The following VPS35L variants were observed in gnomAD, a reference collection of about 807,000 sequenced individuals.
VPS35L encodes VPS35 endosomal protein-sorting factor-like.
Under a neutral mutation model 133.0 loss-of-function variants are expected in VPS35L, and 83 were observed. The observed-to-expected ratio is 0.62, with a 90% CI of 0.52 to 0.75. The LOEUF is 0.75. Among genes scored for constraint, VPS35L ranks in the 30% least tolerant of loss-of-function variants. The probability of loss-of-function intolerance (pLI) is 0.00; values close to 1 mark genes in which losing one functional copy is unlikely to be tolerated. For synonymous variants in VPS35L, 423 were observed against 449.9 expected (o/e 0.94, Z 0.76); for missense variants, 1,083 against 1,206.8 (o/e 0.90, Z 1.52).
chr16:19,566,240 A>G (rs1386796873), intron 2 of VPS35L, among the ~76,000 whole-genome samples: 2 of 152,208 alleles, frequency 1.3e-5, no homozygotes, highest in Admixed American at 1.3e-4. Context: ...TCACACCCGT[A>G]ATTTCAGCAC....
intron 1 of VPS35L, among the ~76,000 whole-genome samples, chr16:19,563,875 G>A (rs1036011978): frequency 6.6e-6 from 1 of 152,176 alleles, no homozygotes; most frequent in Non-Finnish European, 1.5e-5. Context: ...AGCTCTGTGA[G>A]GTTTCCTTAG....
At chr16:19,620,306 T>C (rs1973035746) in intron 14 of VPS35L, among the ~76,000 whole-genome samples, 2 of 152,148 alleles carry the variant, frequency 1.3e-5, no homozygotes, top group African/African-American at 4.8e-5. Flanking sequence ...GGTAAAATGG[T>C]CATTGAATTA....
Position 19,652,057 on chromosome 16 carries a change from C to T in VPS35L, c.2188C>T (p.Gln730Ter), listed in dbSNP as rs143122530. ...TCTCAATCTCTACCTGCATTCTGGT[C>T]AGGTGGCCTTGGCCAACCAGTGCCT... is the stretch of plus-strand genomic sequence containing the variant. ...TRLNLYLHSG[Q>*]VALANQCLSQ... The change falls in exon 26 of 31, where the codon CAG becomes TAG. Residue 730 changes from glutamine to a stop codon, truncating the protein, a stop_gained. Transcript: ENST00000417362. LOFTEE classifies it high-confidence loss of function. 187 of 1,611,434 alleles carry T rather than the reference C, an allele frequency of 1.2e-4. No homozygotes were observed. Among genetic ancestry groups the T allele is most frequent in the Non-Finnish European group, 1.3e-4 (152 of 1,178,786 alleles).
intron 15 of VPS35L, among the ~76,000 whole-genome samples, chr16:19,627,072 A>C (rs1440704192): frequency 6.6e-6 from 1 of 152,122 alleles, no homozygotes; most frequent in Non-Finnish European, 1.5e-5. Context: ...ACCTGAGGTC[A>C]GGAGTTTGAG....
intron 21 of VPS35L, among the ~76,000 whole-genome samples, chr16:19,641,324 C>T (rs1015766750): frequency 4.6e-5 from 7 of 152,184 alleles, no homozygotes; most frequent in Admixed American, 3.9e-4. Flanking sequence ...GCCTCGGCCT[C>T]CCAAAGTGCT....
At chr16:19,608,867 C>T (rs1166942761) in intron 10 of VPS35L, 107 bp from the exon 11 acceptor site, 6 of 881,386 alleles carry the variant, frequency 6.8e-6, no homozygotes, top group Admixed American at 6.3e-5. Context: ...CCACTGTGGT[C>T]CCCATCTCCT....
intron 14 of VPS35L, 126 bp from the exon 15 acceptor site, chr16:19,626,051 C>T: frequency 1.6e-6 from 1 of 616,514 alleles, no homozygotes; most frequent in Non-Finnish European, 2.8e-6. Context: ...CTACCAGACA[C>T]TGAGAATTAT....
At position 19,642,432 on chromosome 16, in the gene VPS35L, G is replaced by A; in HGVS notation, c.1821G>A (p.Leu607=). 1 of 1,613,934 alleles carries A rather than the reference G, an allele frequency of 6.2e-7. No homozygotes were observed. The highest frequency in any genetic ancestry group is 8.5e-7 in the Non-Finnish European group (1 of 1,179,874). Residue 607 remains leucine, a synonymous_variant, in exon 22 of 31, where the codon TTG becomes TTA. Transcript: ENST00000417362. The stretch of plus-strand genomic sequence containing the variant: ...AGCCCACCAAGGACCCGGTCATCTT[G>A]AATGCCCTTTTGCATGTTTGCAAGA... ...QQEPTKDPVI[L]NALLHVCKTM... is the part of the protein sequence containing the mutation.
intron 14 of VPS35L, chr16:19,617,142 T>C: frequency 1.8e-6 from 1 of 558,166 alleles, no homozygotes; most frequent in Non-Finnish European, 3.2e-6. Context: ...GATCACTTGA[T>C]TTTAGGAGTT....
intron 9 of VPS35L, among the ~76,000 whole-genome samples, chr16:19,606,417 A>G (rs192988642): frequency 3.2e-4 from 49 of 152,350 alleles, no homozygotes; most frequent in East Asian, 3.9e-4. Context: ...AAGTTACTTC[A>G]TGTGTAGAGA....
chr16:19,638,979 G>A (rs1357363236), intron 20 of VPS35L, among the ~76,000 whole-genome samples: 1 of 152,170 alleles, frequency 6.6e-6, no homozygotes, highest in Non-Finnish European at 1.5e-5. Context: ...GGTGGTGCAT[G>A]CCTGTAGTCC....
chr16:19,581,771 CT>C, intron 7 of VPS35L, 118 bp downstream of exon 7: 1 of 1,181,246 alleles, frequency 8.5e-7, no homozygotes, highest in East Asian at 2.4e-5. Flanking sequence ...TCATCCCTTT[CT>C]TTTTCATATA....
intron 25 of VPS35L, among the ~76,000 whole-genome samples, chr16:19,651,042 C>T (rs749020486): frequency 6.6e-6 from 1 of 151,966 alleles, no homozygotes. Flanking sequence ...CCATGCCCAG[C>T]TAATATTTTT....
At chr16:19,579,251 T>G (rs1971633045) in intron 6 of VPS35L, 123 bp downstream of exon 6, 4 of 871,356 alleles carry the variant, frequency 4.6e-6, no homozygotes, top group Non-Finnish European at 7.1e-6. Context: ...CTTGGTCCTC[T>G]CGAGGCAATG....
intron 26 of VPS35L, among the ~76,000 whole-genome samples, chr16:19,654,235 T>C (rs1190787589): frequency 1.3e-5 from 2 of 152,156 alleles, no homozygotes; most frequent in Non-Finnish European, 2.9e-5. Flanking sequence ...TGCCCTACTC[T>C]GTCACCCCTG....
At chr16:19,614,789 A>T (rs1422144085) in intron 12 of VPS35L, among the ~76,000 whole-genome samples, 3 of 152,186 alleles carry the variant, frequency 2.0e-5, no homozygotes, top group Non-Finnish European at 4.4e-5. Flanking sequence ...AAACACTGTG[A>T]TGTTGTGTTT....
intron 26 of VPS35L, among the ~76,000 whole-genome samples, chr16:19,666,031 A>AT (rs1034791845): frequency 5.3e-5 from 8 of 151,026 alleles, no homozygotes; most frequent in South Asian, 2.1e-4. Context: ...TGATTATTAG[A>AT]TTTTTTTTCC....
At chr16:19,574,523 T>C (rs1971475148) in intron 4 of VPS35L, among the ~76,000 whole-genome samples, 1 of 152,132 alleles carries the variant, frequency 6.6e-6, no homozygotes, top group African/African-American at 2.4e-5. Flanking sequence ...ACGCCTCTTC[T>C]CTTCATTTTT....
chr16:19,680,414 C>A (rs1174873585), intron 27 of VPS35L, among the ~76,000 whole-genome samples: 3 of 152,134 alleles, frequency 2.0e-5, no homozygotes, highest in Non-Finnish European at 4.4e-5. Context: ...ACATTGAGTT[C>A]CTGGAGGCGC....
Sources: gnomAD v4.1 joint callset for allele counts (sites outside exome capture counted in the v4.1 genomes callset) on GRCh38, gnomAD v4.1.1 for gene constraint, MANE v1.5 for transcripts, NCBI Gene and HGNC (gene_info 2026-07-23, HGNC 2026-07-21) for gene names.